STRBP: variants seen among roughly 807,000 people sequenced by gnomAD.
STRBP encodes spermatid perinuclear RNA binding protein, also known as spermatid perinuclear RNA-binding protein.
A neutral mutation model predicts 80.1 loss-of-function variants in STRBP; 13 were observed. The ratio of observed to expected loss-of-function variants is 0.16; its 90% confidence interval spans 0.11 to 0.26. The LOEUF (loss-of-function observed/expected upper bound fraction) is 0.26, where lower values mean the gene tolerates loss of function less well. Among genes scored for constraint, STRBP ranks in the 10% least tolerant of loss-of-function variants. The pLI is 1.00. For missense variants in STRBP, 485 were observed against 815.2 expected (o/e 0.59, Z 4.93); for synonymous variants, 284 against 291.2 (o/e 0.98, Z 0.25).
At chr9:123,216,616 C>A (rs1460730846) in intron 2 of STRBP, among the ~76,000 whole-genome samples, 2 of 152,214 alleles carry the variant, frequency 1.3e-5, no homozygotes, top group African/African-American at 2.4e-5. Context: ...TGTACTTGAA[C>A]TGAGGTCCTG....
rs2035764312 is a variant in STRBP at position 123,122,509 on chromosome 9, A to G, written c.*3088T>C. ...TCAGTGGTTTGTTCCCCAGGCTAACAATTTGAGAGAGACTACAAACGACTT... is the reference window on the plus strand; with the variant it reads ...TCAGTGGTTTGTTCCCCAGGCTAACGATTTGAGAGAGACTACAAACGACTT... On this transcript the variant is annotated 3_prime_UTR_variant, in exon 19 of 19. Coordinates refer to ENST00000348403, the MANE Select transcript of STRBP (RefSeq NM_018387.5). 1.7e-6 allele frequency: 2 copies of G among 1,184,660 alleles called. No individual in the cohort carries two copies. Among genetic ancestry groups the G allele is most frequent in the Non-Finnish European group, 2.1e-6 (2 of 944,824 alleles). 73.4% of individuals were successfully genotyped at this position (1,184,660 alleles called of 1,614,324 possible).
At chr9:123,208,389 G>A (rs541763676) in intron 2 of STRBP, among the ~76,000 whole-genome samples, 2 of 152,236 alleles carry the variant, frequency 1.3e-5, no homozygotes, top group South Asian at 2.1e-4. Flanking sequence ...TGCTTTCTCC[G>A]CAGATTTCAT....
At position 123,146,945 on chromosome 9, in the gene STRBP, T is replaced by A; in HGVS notation, c.1248A>T (p.Pro416=). 6.2e-7 allele frequency: 1 copy of A among 1,614,114 alleles called. No individual in the cohort carries two copies. Among genetic ancestry groups the A allele is most frequent in the Non-Finnish European group, 8.5e-7 (1 of 1,180,004 alleles). ...CCACATCTACAGACATTGTGAAGAC[T>A]GGGGCATGAACGGGGCCAGACTGAG... ...LLSQSGPVHA[P]VFTMSVDVDG... is the part of the protein sequence containing the mutation. Residue 416 remains proline, a synonymous_variant, in exon 13 of 19, where the codon CCA becomes CCT. Coordinates refer to ENST00000348403, the MANE Select transcript of STRBP (RefSeq NM_018387.5).
At chr9:123,259,359 G>C (rs978146045) in intron 1 of STRBP, among the ~76,000 whole-genome samples, 7 of 152,164 alleles carry the variant, frequency 4.6e-5, no homozygotes, top group African/African-American at 1.7e-4. Context: ...AGATATAAGA[G>C]ATGTCAGGTA....
At chr9:123,258,684 G>A (rs1052347276) in intron 1 of STRBP, among the ~76,000 whole-genome samples, 23 of 151,756 alleles carry the variant, frequency 1.5e-4, no homozygotes, top group Admixed American at 3.9e-4. Flanking sequence ...GGCGCCTGTC[G>A]TCCCAGCTAC....
At chr9:123,113,058 A>C (rs1231452680) in intron 3 of STRBP, 1 of 167,122 alleles carries the variant, frequency 6.0e-6, no homozygotes, top group African/African-American at 2.4e-5. Flanking sequence ...CACTGACTAT[A>C]AGCCAATGGT....
intron 2 of STRBP, among the ~76,000 whole-genome samples, chr9:123,220,209 T>C (rs917222494): frequency 1.3e-5 from 2 of 152,244 alleles, no homozygotes; most frequent in Non-Finnish European, 2.9e-5. Flanking sequence ...AATACAGTGA[T>C]GCATTTCTTA....
intron 1 of STRBP, among the ~76,000 whole-genome samples, chr9:123,262,621 G>A (rs2041182145): frequency 6.6e-6 from 1 of 152,174 alleles, no homozygotes; most frequent in African/African-American, 2.4e-5. Context: ...TTATGCTAAA[G>A]TTAACTAAAG....
At chr9:123,162,338 C>A (rs982965246) in intron 6 of STRBP, among the ~76,000 whole-genome samples, 1 of 152,076 alleles carries the variant, frequency 6.6e-6, no homozygotes, top group Middle Eastern at 3.2e-3. Context: ...GATCCTCCCA[C>A]CTCACCCTCC....
intron 4 of STRBP, among the ~76,000 whole-genome samples, chr9:123,178,225 T>C (rs896735255): frequency 6.6e-6 from 1 of 152,234 alleles, no homozygotes; most frequent in Non-Finnish European, 1.5e-5. Context: ...CTGCAAAAAT[T>C]CTGTAACCTC....
intron 2 of STRBP, among the ~76,000 whole-genome samples, chr9:123,197,869 T>G (rs1235863999): frequency 6.6e-6 from 1 of 151,934 alleles, no homozygotes; most frequent in East Asian, 1.9e-4. Flanking sequence ...GAGACAGGGT[T>G]TCACCCTGTT....
intron 13 of STRBP, among the ~76,000 whole-genome samples, chr9:123,141,840 G>T (rs191545619): frequency 6.6e-6 from 1 of 152,292 alleles, no homozygotes; most frequent in African/African-American, 2.4e-5. Context: ...TTTATGAACA[G>T]TTATTCTAAC....
intron 2 of STRBP, among the ~76,000 whole-genome samples, chr9:123,220,687 T>C (rs184348525): frequency 7.1e-4 from 108 of 152,322 alleles, no homozygotes; most frequent in African/African-American, 2.5e-3. Flanking sequence ...AATGTATCAC[T>C]GTATTTTTTT....
At chr9:123,139,166 G>C (rs1343551706) in intron 14 of STRBP, among the ~76,000 whole-genome samples, 1 of 152,138 alleles carries the variant, frequency 6.6e-6, no homozygotes, top group East Asian at 1.9e-4. Flanking sequence ...ACATCTTGTA[G>C]TTTTCTGCCC....
rs2036987000 is a variant in STRBP at position 123,150,013 on chromosome 9, C to T, written c.1046-2143G>A. ...AATGAAGGACAATTTATATGTCGTG[C>T]TCAGCAGAAAGGTATCACTAATGAG... On this transcript the variant is annotated intron_variant, in intron 11 of 18. Coordinates refer to ENST00000348403, the MANE Select transcript of STRBP (RefSeq NM_018387.5). Among the ~76,000 whole-genome samples the T allele has an allele frequency of 2.6e-5, 4 of 152,142 alleles. No individual in the cohort carries two copies. The South Asian group carries it at 8.3e-4, about 31-fold the overall frequency.
rs898221751 is a variant in STRBP, at chr9:123,122,626, C to G, written c.*2971G>C. The G allele has an allele frequency of 2.9e-6, 3 of 1,050,166 alleles. No homozygotes were observed. The African/African-American group carries it at 5.1e-5, about 18-fold the overall frequency. The allele number at this position is 1,050,166 out of a possible 1,614,324, so 65.1% of individuals were successfully genotyped here. A position where few individuals can be genotyped will look rare whatever the true frequency, so the allele number is the denominator to read the frequency against. On this transcript the variant is annotated 3_prime_UTR_variant, in exon 19 of 19. Transcript: ENST00000348403. ...GTTGGAAATCTACTGGACCAATTAC[C>G]TTGCACAAGAGATGGGGTACTCCTG... is the stretch of plus-strand genomic sequence containing the variant.
In STRBP at chr9:123,115,815, C is replaced by T. The variant is rs1485486399; in HGVS notation, c.*84+114G>A. The T allele has an allele frequency of 2.6e-5, 9 of 351,330 alleles. No homozygotes were observed. Among genetic ancestry groups the T allele is most frequent in the South Asian group, 8.8e-5 (4 of 45,236 alleles). 21.8% of individuals were successfully genotyped at this position (351,330 alleles called of 1,614,324 possible). A position where few individuals can be genotyped will look rare whatever the true frequency, so the allele number is the denominator to read the frequency against. The stretch of plus-strand genomic sequence containing the variant: ...CACCTCAGCTGCTCTCTCAAGGCTG[C>T]GTCTGTCATCGCGGGAGGTGTATTT... On this transcript the variant is annotated intron_variant and NMD_transcript_variant, in intron 3 of 3. Coordinates refer to the STRBP transcript ENST00000471564. This position sits in a 1 kb window ranked among gnomAD's most constrained non-coding sequence, Gnocchi z 5.0.
At chr9:123,164,572 A>C (rs2037672356) in intron 6 of STRBP, among the ~76,000 whole-genome samples, 1 of 152,176 alleles carries the variant, frequency 6.6e-6, no homozygotes, top group African/African-American at 2.4e-5. Context: ...CCTGTTAACA[A>C]AACACCAGCC....
At chr9:123,109,834 G>GTGTT (rs1395252730) in intron 3 of STRBP, 1 of 152,206 alleles carries the variant, frequency 6.6e-6, no homozygotes, top group Non-Finnish European at 1.5e-5. Flanking sequence ...ACGGTTTCCA[G>GTGTT]TGTTTTTAAA....
Sources: allele counts gnomAD v4.1 joint callset (sites outside exome capture counted in the v4.1 genomes callset), GRCh38; gene constraint gnomAD v4.1.1; non-coding constraint Gnocchi (gnomAD v3.1); transcripts MANE v1.5; gene names NCBI Gene and HGNC (gene_info 2026-07-23, HGNC 2026-07-21).